Variants in RPS6KA2 observed in about 807,000 individuals in gnomAD.
The protein encoded by RPS6KA2 is ribosomal protein S6 kinase A2.
In RPS6KA2, 42 loss-of-function variants were observed where a neutral mutation model predicts 91.8. The ratio of observed to expected loss-of-function variants is 0.46; its 90% CI spans 0.36 to 0.59. RPS6KA2 has a LOEUF of 0.59. RPS6KA2 is among the 20% of genes least tolerant of loss of function. The pLI, the probability that RPS6KA2 is intolerant of heterozygous loss-of-function variation, is 0.00. For missense variants in RPS6KA2, 798 were observed against 978.5 expected (o/e 0.82, Z 2.46); for synonymous variants, 414 against 393.6 (o/e 1.05, Z -0.61).
chr6:166,646,587 C>T (rs910215131), intron 2 of RPS6KA2, among the ~76,000 whole-genome samples: 12 of 152,364 alleles, frequency 7.9e-5, no homozygotes, highest in African/African-American at 1.2e-4. Context: ...GCCCCTGACA[C>T]GCTCCTTCCT....
chr6:166,461,100 A>C (rs1780270671), intron 11 of RPS6KA2, among the ~76,000 whole-genome samples: 1 of 152,132 alleles, frequency 6.6e-6, no homozygotes, highest in African/African-American at 2.4e-5. Flanking sequence ...GGGGCTTATC[A>C]GGCAGCAGGA....
chr6:166,790,265 G>A (rs1779048237), intron 2 of RPS6KA2, among the ~76,000 whole-genome samples: 1 of 152,194 alleles, frequency 6.6e-6, no homozygotes. Context: ...GGGTATCTGT[G>A]ATGGAAGACG....
In RPS6KA2 at chr6:166,437,030, A is replaced by ATT. The variant is rs1214376614; in HGVS notation, c.1333-4542_1333-4541dup. Among the ~76,000 whole-genome samples, 2 of 147,432 alleles carry ATT rather than the reference A, an allele frequency of 1.4e-5. No homozygotes were observed. Among genetic ancestry groups the ATT allele is most frequent in the African/African-American group, 4.9e-5 (2 of 40,448 alleles). On this transcript the variant is annotated intron_variant, in intron 14 of 20. Transcript: ENST00000265678. This position sits in a 1 kb window ranked among gnomAD's most constrained non-coding sequence, Gnocchi z 4.3. The stretch of plus-strand genomic sequence containing the variant: ...CCCTGTAACTTTTTCTGAAAAAAAA[A>ATT]TTTTTTTTTTTTGCTTTTGTTTTTA...
At chr6:166,672,013 T>C (rs1019221694) in intron 2 of RPS6KA2, among the ~76,000 whole-genome samples, 21 of 152,214 alleles carry the variant, frequency 1.4e-4, no homozygotes, top group African/African-American at 4.8e-4. Flanking sequence ...CACCTAGTCA[T>C]GATTTACGAG....
At chr6:166,567,837 G>A (rs1245965433) in intron 1 of RPS6KA2, among the ~76,000 whole-genome samples, 1 of 152,158 alleles carries the variant, frequency 6.6e-6, no homozygotes, top group Non-Finnish European at 1.5e-5. Context: ...TCTCCCCAGC[G>A]ATCCGTGCTA....
intron 3 of RPS6KA2, among the ~76,000 whole-genome samples, chr6:166,525,862 G>A (rs554787714): frequency 7.2e-5 from 11 of 152,268 alleles, no homozygotes; most frequent in African/African-American, 2.2e-4. Context: ...TATTATGAGG[G>A]TGGAGAACGG....
Position 166,500,043 on chromosome 6 carries a change from G to C in RPS6KA2, c.604+844C>G, listed in dbSNP as rs1171221247. 6.6e-6 allele frequency among the ~76,000 whole-genome samples: 1 copy of C among 152,224 alleles called. No homozygotes were observed. The highest frequency in any genetic ancestry group is 2.4e-5 in the African/African-American group (1 of 41,458). ...AAGGGAGGCAAGATGCAGTCAGAGA[G>C]CTTGGAAGATGCTGCCTGCTGGCTT... is the stretch of plus-strand genomic sequence containing the variant. On this transcript the variant is annotated intron_variant, in intron 7 of 20. Transcript: ENST00000265678. The surrounding 1 kb of genome is among the most constrained non-coding windows in gnomAD (Gnocchi z 4.3).
In RPS6KA2 at chr6:166,493,578, T is replaced by C. The variant is rs1291392672; in HGVS notation, c.748-2837A>G. ...GGGGAGGGAGGGCACTCCAAAGGAT[T>C]CTTTCCCAATCGGCACCGAGACCAG... is the stretch of plus-strand genomic sequence containing the variant. On this transcript the variant is annotated intron_variant, in intron 8 of 20. Transcript: ENST00000265678. The surrounding 1 kb of genome is among the most constrained non-coding windows in gnomAD (Gnocchi z 4.7). Among the ~76,000 whole-genome samples the C allele has an allele frequency of 6.6e-6, 1 of 151,768 alleles. No homozygotes were observed. The highest frequency in any genetic ancestry group is 1.5e-5 in the Non-Finnish European group (1 of 67,958).
At chr6:166,688,406 T>C (rs185282404) in intron 2 of RPS6KA2, among the ~76,000 whole-genome samples, 1 of 152,296 alleles carries the variant, frequency 6.6e-6, no homozygotes, top group East Asian at 1.9e-4. Context: ...TCCCCGGCCT[T>C]GCCAGGGGCA....
intron 1 of RPS6KA2, among the ~76,000 whole-genome samples, chr6:166,587,666 T>TTATATA (rs1554232139): frequency 0.043 from 6,331 of 148,924 alleles, 462 homozygotes; most frequent in African/African-American, 0.15. Context: ...AAAATAAATA[T>TTATATA]TATATATATA....
intron 10 of RPS6KA2, chr6:166,475,945 C>G (rs1780957347): frequency 4.8e-6 from 2 of 416,506 alleles, no homozygotes; most frequent in Non-Finnish European, 1.0e-5. Context: ...TGTGCAGAAA[C>G]TCTGGGAGGG....
At chr6:166,629,054 C>G (rs1562352874), upstream of RPS6KA2, among the ~76,000 whole-genome samples, 1 of 152,220 alleles carries the variant, frequency 6.6e-6, no homozygotes, top group Non-Finnish European at 1.5e-5. Context: ...TCTTAGTGCC[C>G]TGTATCCCTG....
intron 1 of RPS6KA2, among the ~76,000 whole-genome samples, chr6:166,601,176 A>G (rs78382872): frequency 0.025 from 3,850 of 152,344 alleles, 43 homozygotes; most frequent in Non-Finnish European, 0.035. Context: ...AGAGAAAATG[A>G]TAGAAATCAA....
chr6:166,435,721 C>T lies in RPS6KA2; in HGVS notation c.1333-3231G>A, dbSNP rs746456770. On this transcript the variant is annotated intron_variant, in intron 14 of 20. Transcript: ENST00000265678. The surrounding 1 kb of genome is among the most constrained non-coding windows in gnomAD (Gnocchi z 4.3). ...CTGGTTTGCTCCTGAGGGGAAGTCACGTTTGCTGTCTCAGGCGACAACACT... is the reference window on the plus strand; with the variant it reads ...CTGGTTTGCTCCTGAGGGGAAGTCATGTTTGCTGTCTCAGGCGACAACACT... 1.5e-4 allele frequency among the ~76,000 whole-genome samples: 23 copies of T among 152,282 alleles called. No homozygotes were observed. The highest frequency in any genetic ancestry group is 2.6e-4 in the Admixed American group (4 of 15,290).
chr6:166,736,717 G>A (rs936024364), intron 2 of RPS6KA2, among the ~76,000 whole-genome samples: 2 of 152,076 alleles, frequency 1.3e-5, no homozygotes, highest in East Asian at 1.9e-4. Context: ...CACCCACCCC[G>A]CCCTGAAAGC....
upstream of RPS6KA2, among the ~76,000 whole-genome samples, chr6:166,631,908 AT>A (rs1216268428): frequency 1.3e-5 from 2 of 152,158 alleles, no homozygotes; most frequent in Non-Finnish European, 2.9e-5. Context: ...TAAGGTGTAA[AT>A]GCCTCGAAAA....
At position 166,459,275 on chromosome 6, in the gene RPS6KA2, A is replaced by T. The variant is rs1221450040; in HGVS notation, c.1075+174T>A. 6.6e-6 allele frequency among the ~76,000 whole-genome samples: 1 copy of T among 152,214 alleles called. No individual in the cohort carries two copies. ...GGAACAACAGAGAACTGGGGCTATC[A>T]CTTAAACCTTTATCACTGAGCAGAG... On this transcript the variant is annotated intron_variant, in intron 12 of 20. Transcript: ENST00000265678. The surrounding 1 kb of genome is among the most constrained non-coding windows in gnomAD (Gnocchi z 4.9).
intron 10 of RPS6KA2, among the ~76,000 whole-genome samples, chr6:166,484,994 C>T (rs1054552096): frequency 1.4e-4 from 22 of 152,188 alleles, no homozygotes; most frequent in African/African-American, 2.4e-4. Flanking sequence ...TCAACAGCAC[C>T]GTGCCGGGGG....
intron 2 of RPS6KA2, among the ~76,000 whole-genome samples, chr6:166,834,091 A>C (rs951539978): frequency 5.9e-5 from 9 of 152,126 alleles, no homozygotes; most frequent in African/African-American, 2.2e-4. Context: ...GGGTATGTTT[A>C]ACTATAAAAG....
Sources: gnomAD v4.1 joint callset for allele counts (sites outside exome capture counted in the v4.1 genomes callset) on GRCh38, gnomAD v4.1.1 for gene constraint, Gnocchi (gnomAD v3.1) non-coding constraint, MANE v1.5 for transcripts, NCBI Gene and HGNC (gene_info 2026-07-23, HGNC 2026-07-21) for gene names.